CCDC158: variants seen among roughly 807,000 people sequenced by gnomAD.
CCDC158 encodes the protein coiled-coil domain-containing protein 158.
A neutral mutation model predicts 138.6 loss-of-function variants in CCDC158; 116 were observed. The ratio of observed to expected loss-of-function variants is 0.84; its 90% CI spans 0.72 to 0.98. The LOEUF is 0.98. CCDC158 is among the 50% of genes least tolerant of loss of function. CCDC158 has a pLI of 0.00. For missense variants in CCDC158, 1,265 were observed against 1,306.1 expected, an observed-to-expected ratio of 0.97 and a Z score of 0.48; for synonymous variants, 436 against 442.4, an observed-to-expected ratio of 0.99 and a Z score of 0.18.
Position 76,386,833 on chromosome 4 carries a change from G to A in CCDC158, c.289-2168C>T, listed in dbSNP as rs551922676. Among the ~76,000 whole-genome samples, 364 of 152,328 alleles carry A rather than the reference G, an allele frequency of 2.4e-3. 3 individuals carry two copies. Among genetic ancestry groups the A allele is most frequent in the Non-Finnish European group, 3.6e-3 (243 of 68,028 alleles). On this transcript the variant is annotated intron_variant, in intron 4 of 24. Transcript: ENST00000682701. ...TTTAACTCAGTGCTGCCCCGTCAGA[G>A]GGGAGAATCAAGCCATGCTGAGCTT...
chr4:76,355,082 G>A (rs1723414851), intron 15 of CCDC158, among the ~76,000 whole-genome samples: 1 of 152,034 alleles, frequency 6.6e-6, no homozygotes, highest in South Asian at 2.1e-4. Context: ...ACTGTATTTT[G>A]TTTATAATCA....
At position 76,313,167 on chromosome 4, in the gene CCDC158, G is replaced by A. The variant is rs758048901; in HGVS notation, c.*3C>T. On this transcript the variant is annotated 3_prime_UTR_variant, in exon 25 of 25. Transcript: ENST00000682701. ...CCTCTGTAAAGAATAGGCAAGCAAC[G>A]AGTCATTTTAGTAACATTTTTTCCT... is the stretch of plus-strand genomic sequence containing the variant. 5.0e-6 allele frequency: 8 copies of A among 1,589,434 alleles called. No individual in the cohort carries two copies. The highest frequency in any genetic ancestry group is 1.7e-4 in the Middle Eastern group (1 of 6,000).
At chr4:76,341,296 T>C (rs542075675) in intron 18 of CCDC158, among the ~76,000 whole-genome samples, 1 of 152,208 alleles carries the variant, frequency 6.6e-6, no homozygotes, top group Non-Finnish European at 1.5e-5. Context: ...AGATAGAAGA[T>C]AAATGAAAAA....
chr4:76,323,066 C>A (rs1720181154), intron 24 of CCDC158, among the ~76,000 whole-genome samples: 1 of 152,172 alleles, frequency 6.6e-6, no homozygotes, highest in Non-Finnish European at 1.5e-5. Flanking sequence ...TGAGGGATGG[C>A]CGGCAGGATT....
intron 16 of CCDC158, 85 bp from the exon 17 acceptor site, chr4:76,351,897 C>A: frequency 1.3e-6 from 1 of 785,122 alleles, no homozygotes; most frequent in Non-Finnish European, 2.1e-6. Context: ...GAGCTGCCAT[C>A]TCTTCAAAAA....
Position 76,412,130 on chromosome 4 carries a change from T to A in CCDC158, c.-114A>T, listed in dbSNP as rs1363625395. 6.6e-6 allele frequency: 1 copy of A among 152,230 alleles called. No homozygotes were observed. The highest frequency in any genetic ancestry group is 2.4e-5 in the African/African-American group (1 of 41,466). 9.4% of individuals were successfully genotyped at this position (152,230 alleles called of 1,614,324 possible). ...TTCTTATTTTCACTTATTCTATTAA[T>A]ATCTGAAAAAACAAAATATTTAAAA... On this transcript the variant is annotated splice_region_variant and 5_prime_UTR_variant, in exon 2 of 25. Transcript: ENST00000682701.
At chr4:76,316,248 T>C (rs1316875837) in intron 24 of CCDC158, among the ~76,000 whole-genome samples, 1 of 151,844 alleles carries the variant, frequency 6.6e-6, no homozygotes, top group African/African-American at 2.4e-5. Context: ...TCCAGAGAAA[T>C]AGATATAAAG....
intron 1 of CCDC158, among the ~76,000 whole-genome samples, chr4:76,417,851 A>ATC: frequency 6.6e-6 from 1 of 152,186 alleles, no homozygotes; most frequent in South Asian, 2.1e-4. Flanking sequence ...AAAGGCCCAA[A>ATC]AATGAGAAGA....
intron 18 of CCDC158, chr4:76,344,846 G>C: frequency 6.3e-7 from 1 of 1,589,616 alleles, no homozygotes; most frequent in Non-Finnish European, 8.6e-7. Flanking sequence ...AAGGGTCTAT[G>C]ACCAAAGAAG....
chr4:76,415,489 G>T (rs1729619017), intron 1 of CCDC158, among the ~76,000 whole-genome samples: 1 of 152,056 alleles, frequency 6.6e-6, no homozygotes. Flanking sequence ...GCCGAGGCAA[G>T]AGACCGAGGG....
At chr4:76,345,311 C>T (rs890774638) in intron 18 of CCDC158, 6 of 1,079,248 alleles carry the variant, frequency 5.6e-6, no homozygotes, top group Non-Finnish European at 8.7e-6. Flanking sequence ...TATACAGACA[C>T]ACCAAAGCCC....
chr4:76,321,623 C>T (rs1374335167), intron 24 of CCDC158, among the ~76,000 whole-genome samples: 1 of 146,734 alleles, frequency 6.8e-6, no homozygotes, highest in African/African-American at 2.5e-5. Context: ...TATATGCACA[C>T]ACCTCAGCCA....
At chr4:76,410,393 C>A (rs550190658) in intron 2 of CCDC158, among the ~76,000 whole-genome samples, 1 of 152,202 alleles carries the variant, frequency 6.6e-6, no homozygotes, top group Admixed American at 6.5e-5. Context: ...CCATGTTGGC[C>A]AGGCTGGTCT....
At position 76,323,334 on chromosome 4, in the gene CCDC158, G is replaced by C. The variant is rs1560781898; in HGVS notation, c.3245C>G (p.Thr1082Ser). Residue 1082 changes from threonine to serine, a missense_variant, in exon 24 of 25, where the codon ACT (threonine) becomes AGT (serine). Physicochemically the swap from Thr to Ser is moderately conservative, Grantham distance 58. Transcript: ENST00000682701. ...KLQNRLESLQ[T>S]LVEDLQLKNQ... ...CTTCAGCTGTAAATCTTCTACCAGA[G>C]TTTGCAAGCTTTCTAGTCTGTTCTG... 1.2e-6 allele frequency: 2 copies of C among 1,613,106 alleles called. No individual in the cohort carries two copies. Among genetic ancestry groups the C allele is most frequent in the Non-Finnish European group, 1.7e-6 (2 of 1,179,510 alleles).
intron 13 of CCDC158, among the ~76,000 whole-genome samples, chr4:76,358,571 AT>A (rs995031599): frequency 3.3e-5 from 5 of 152,242 alleles, no homozygotes; most frequent in African/African-American, 1.2e-4. Flanking sequence ...CTGAGGTCAC[AT>A]TTTGATATTT....
At chr4:76,381,781 A>G (rs572297200) in intron 8 of CCDC158, among the ~76,000 whole-genome samples, 1 of 152,260 alleles carries the variant, frequency 6.6e-6, no homozygotes, top group Admixed American at 6.5e-5. Flanking sequence ...TCCCGGGTTC[A>G]TGCCATTCTC....
At chr4:76,354,518 A>T (rs1041824508) in intron 15 of CCDC158, among the ~76,000 whole-genome samples, 2 of 152,176 alleles carry the variant, frequency 1.3e-5, no homozygotes, top group African/African-American at 4.8e-5. Context: ...CTTCTGAAAT[A>T]GACGCTTTTT....
chr4:76,384,297 C>T lies in CCDC158; in HGVS notation c.517G>A (p.Glu173Lys). ...CTAAGCATCATTTTTCGTAGTTGCTCTATCTGTGTGTTGCTGTCTTTCAGC... is the reference window on the plus strand; with the variant it reads ...CTAAGCATCATTTTTCGTAGTTGCTTTATCTGTGTGTTGCTGTCTTTCAGC... ...DMLKDSNTQI[E>K]QLRKMMLSHE... is the part of the protein sequence containing the mutation. Residue 173 changes from glutamate (E) to lysine (K), a missense_variant, in exon 6 of 25, where the codon GAG (glutamate) becomes AAG (lysine). Glu to Lys is a moderately conservative substitution (Grantham distance 56). Transcript: ENST00000682701. 1 of 1,614,086 alleles carries T rather than the reference C, an allele frequency of 6.2e-7. No homozygotes were observed. Among genetic ancestry groups the T allele is most frequent in the Admixed American group, 1.7e-5 (1 of 60,020 alleles).
At chr4:76,399,277 C>G (rs756368250) in intron 3 of CCDC158, among the ~76,000 whole-genome samples, 7 of 151,944 alleles carry the variant, frequency 4.6e-5, no homozygotes, top group Non-Finnish European at 1.0e-4. Flanking sequence ...AAATAAAAAG[C>G]TGGGAGGGGA....
Sources: allele counts gnomAD v4.1 joint callset (sites outside exome capture counted in the v4.1 genomes callset), GRCh38; gene constraint gnomAD v4.1.1; transcripts MANE v1.5; gene names NCBI Gene and HGNC (gene_info 2026-07-23, HGNC 2026-07-21).